The following LARGE1 variants were observed in gnomAD, a reference collection of about 807,000 sequenced individuals.
LARGE1 encodes LARGE xylosyl- and glucuronyltransferase 1, also known as xylosyl- and glucuronyltransferase LARGE1.
In LARGE1, 43 loss-of-function variants were observed where a neutral mutation model predicts 87.6. The observed-to-expected ratio is 0.49, with a 90% CI of 0.38 to 0.63. The LOEUF is 0.63. Ranked by LOEUF, LARGE1 falls within the 30% of genes least tolerant of loss-of-function variation. LARGE1 has a pLI of 0.00. For missense variants in LARGE1, 802 were observed against 1,000.2 expected (o/e 0.80, Z 2.67); for synonymous variants, 434 against 394.6 (o/e 1.10, Z -1.18).
chr22:33,839,321 C>G (rs1476752705), intron 1 of LARGE1, among the ~76,000 whole-genome samples: 1 of 152,190 alleles, frequency 6.6e-6, no homozygotes, highest in Admixed American at 6.5e-5. Flanking sequence ...AGAACTGTTT[C>G]ATCACCAAGG....
chr22:33,751,597 T>C (rs1379751117), intron 2 of LARGE1, among the ~76,000 whole-genome samples: 1 of 152,140 alleles, frequency 6.6e-6, no homozygotes, highest in Non-Finnish European at 1.5e-5. Context: ...CCTACCAGAG[T>C]TAACCACCAT....
chr22:33,374,181 T>A (rs2064919508), intron 9 of LARGE1, among the ~76,000 whole-genome samples: 1 of 152,138 alleles, frequency 6.6e-6, no homozygotes, highest in Non-Finnish European at 1.5e-5. Context: ...TATAATATGG[T>A]ATACATTCCT....
intron 2 of LARGE1, among the ~76,000 whole-genome samples, chr22:33,741,065 T>C (rs1287694572): frequency 6.6e-6 from 1 of 152,248 alleles, no homozygotes; most frequent in East Asian, 1.9e-4. Flanking sequence ...ATTGCAAATG[T>C]GAAGGCTACT....
intron 12 of LARGE1, among the ~76,000 whole-genome samples, chr22:33,297,609 C>CAA (rs201010972): frequency 4.9e-4 from 31 of 62,826 alleles, no homozygotes; most frequent in African/African-American, 7.5e-4. Flanking sequence ...GACTCCGTCT[C>CAA]AAAAAAAAAA....
At chr22:33,118,629 G>C in the LARGE1 span, among the ~76,000 whole-genome samples, 2 of 152,096 alleles carry the variant, frequency 1.3e-5, no homozygotes, top group Non-Finnish European at 2.9e-5. Flanking sequence ...AATAGGTAGT[G>C]GCGGTCCTCC....
intron 1 of LARGE1, among the ~76,000 whole-genome samples, chr22:33,821,016 T>A (rs1380870066): frequency 6.6e-6 from 1 of 152,196 alleles, no homozygotes; most frequent in East Asian, 1.9e-4. Context: ...AGGGCAGGAA[T>A]CTTCCTTAAT....
At chr22:33,829,738 C>G (rs2062910241) in intron 1 of LARGE1, among the ~76,000 whole-genome samples, 1 of 152,162 alleles carries the variant, frequency 6.6e-6, no homozygotes, top group African/African-American at 2.4e-5. Context: ...ATCCAGCCAC[C>G]ATCTGGCTGT....
At chr22:33,616,469 T>C (rs1319121910) in intron 4 of LARGE1, among the ~76,000 whole-genome samples, 1 of 149,986 alleles carries the variant, frequency 6.7e-6, no homozygotes, top group African/African-American at 2.5e-5. Flanking sequence ...GAGGTGGAGG[T>C]TGCAGTGAGC....
intron 2 of LARGE1, among the ~76,000 whole-genome samples, chr22:33,701,873 G>C (rs762294165): frequency 1.3e-4 from 20 of 152,210 alleles, no homozygotes; most frequent in Non-Finnish European, 2.4e-4. Flanking sequence ...CAGCTCAAAA[G>C]GGGAGGGCAC....
chr22:33,277,728 T>C (rs1929619194), intron 13 of LARGE1, among the ~76,000 whole-genome samples: 1 of 152,170 alleles, frequency 6.6e-6, no homozygotes, highest in Admixed American at 6.5e-5. Flanking sequence ...TGTGAGAGAA[T>C]AAATTTCTAT....
At chr22:33,477,554 A>G (rs2069131676) in intron 6 of LARGE1, among the ~76,000 whole-genome samples, 1 of 152,172 alleles carries the variant, frequency 6.6e-6, no homozygotes, top group Non-Finnish European at 1.5e-5. Flanking sequence ...AAAAGCGTTC[A>G]GAATACCCCC....
At chr22:33,471,029 CTT>C (rs372332553) in intron 6 of LARGE1, among the ~76,000 whole-genome samples, 14 of 129,698 alleles carry the variant, frequency 1.1e-4, no homozygotes, top group South Asian at 2.5e-4. Flanking sequence ...TCTTCTTCTT[CTT>C]TTTTTTTTTT....
intron 6 of LARGE1, among the ~76,000 whole-genome samples, chr22:33,501,536 C>T (rs1262154830): frequency 6.6e-6 from 1 of 152,182 alleles, no homozygotes; most frequent in African/African-American, 2.4e-5. Context: ...AAACTGCCCA[C>T]TGGCAGCCCT....
At chr22:33,402,873 C>T (rs1282162953) in intron 7 of LARGE1, among the ~76,000 whole-genome samples, 1 of 152,154 alleles carries the variant, frequency 6.6e-6, no homozygotes, top group Non-Finnish European at 1.5e-5. Context: ...GACCCAGGCA[C>T]TAGGCATGCC....
intron 7 of LARGE1, among the ~76,000 whole-genome samples, chr22:33,395,740 T>A (rs1206682905): frequency 6.6e-6 from 1 of 152,218 alleles, no homozygotes; most frequent in Non-Finnish European, 1.5e-5. Flanking sequence ...AAGTTTCAGA[T>A]GAAACCTTTT....
chr22:33,095,803 C>G, the LARGE1 span, among the ~76,000 whole-genome samples: 1 of 152,152 alleles, frequency 6.6e-6, no homozygotes, highest in Non-Finnish European at 1.5e-5. Flanking sequence ...CCGTAATGTG[C>G]CTGAGCTTCC....
chr22:33,920,052 G>C lies in LARGE1; in HGVS notation c.-140C>G, dbSNP rs1424972865. On this transcript the variant is annotated 5_prime_UTR_variant, in exon 1 of 15. Coordinates refer to ENST00000397394, the MANE Select transcript of LARGE1 (RefSeq NM_133642.5). The stretch of plus-strand genomic sequence containing the variant: ...CACGGAAGAACAGGGTGGCGCGGCG[G>C]CGCCGCCGCCTACGAGGCGCAGGGG... 1 of 152,366 alleles carries C rather than the reference G, an allele frequency of 6.6e-6. No individual in the cohort carries two copies. The highest frequency in any genetic ancestry group is 1.5e-5 in the Non-Finnish European group (1 of 68,206). The allele number at this position is 152,366 out of a possible 1,614,324, so 9.4% of individuals were successfully genotyped here. A position where few individuals can be genotyped will look rare whatever the true frequency, so the allele number is the denominator to read the frequency against.
At chr22:33,412,290 CAT>C (rs60502247) in intron 7 of LARGE1, among the ~76,000 whole-genome samples, 24 of 149,218 alleles carry the variant, frequency 1.6e-4, no homozygotes, top group South Asian at 6.3e-4. Flanking sequence ...ATCTCAAAGT[CAT>C]ATATATATAT....
rs191058696 is a variant in LARGE1 at position 33,461,926 on chromosome 22, T to C, written c.788-29661A>G. 3.9e-5 allele frequency among the ~76,000 whole-genome samples: 6 copies of C among 152,236 alleles called. No individual in the cohort carries two copies. In the East Asian group the frequency reaches 1.2e-3, roughly 29 times the overall value. On this transcript the variant is annotated intron_variant, in intron 6 of 14. Transcript: ENST00000397394. ...ACCTTAGAAGTCAATTATCCCTCCA[T>C]GTTGATGTGTGACTACAGCTGCATG...
Sources: allele counts gnomAD v4.1 joint callset (sites outside exome capture counted in the v4.1 genomes callset), GRCh38; gene constraint gnomAD v4.1.1; transcripts MANE v1.5; gene names NCBI Gene and HGNC (gene_info 2026-07-23, HGNC 2026-07-21).